Variants in PIKFYVE observed in about 807,000 individuals in gnomAD.
PIKFYVE encodes the protein 1-phosphatidylinositol 3-phosphate 5-kinase.
In PIKFYVE, 122 loss-of-function variants were observed where a neutral mutation model predicts 257.9. The observed-to-expected ratio is 0.47, with a 90% CI of 0.41 to 0.55. The LOEUF is 0.55. Among genes scored for constraint, PIKFYVE ranks in the 20% least tolerant of loss-of-function variants. The pLI is 0.00. For synonymous variants in PIKFYVE, 892 were observed against 868.9 expected (o/e 1.03, Z -0.47); for missense variants, 2,160 against 2,536.6 (o/e 0.85, Z 3.19).
intron 5 of PIKFYVE, among the ~76,000 whole-genome samples, chr2:208,283,179 A>C (rs1415000603): frequency 6.6e-6 from 1 of 152,222 alleles, no homozygotes; most frequent in Non-Finnish European, 1.5e-5. Context: ...AATAAATACA[A>C]ATAACTAGAA....
chr2:208,299,456 A>G (rs1218766057), intron 8 of PIKFYVE, among the ~76,000 whole-genome samples: 1 of 151,666 alleles, frequency 6.6e-6, no homozygotes, highest in Admixed American at 6.6e-5. Context: ...CACTGAGCTA[A>G]TTTTTGTATT....
rs1309625600 is a variant in PIKFYVE, at chr2:208,357,452, A to G, written c.*2147A>G. ...TGCTCCACAGGAATGGCTTCTGACA[A>G]TAATCTGTCCTGTTGATTTTGTTTT... On this transcript the variant is annotated 3_prime_UTR_variant, in exon 42 of 42. Transcript: ENST00000264380. The G allele has an allele frequency of 6.6e-6, 1 of 152,252 alleles. No homozygotes were observed. Among genetic ancestry groups the G allele is most frequent in the Non-Finnish European group, 1.5e-5 (1 of 68,040 alleles). 9.4% of individuals were successfully genotyped at this position (152,252 alleles called of 1,614,324 possible). A position where few individuals can be genotyped will look rare whatever the true frequency, so the allele number is the denominator to read the frequency against.
intron 10 of PIKFYVE, chr2:208,302,574 C>T (rs1693825885): frequency 3.9e-6 from 2 of 518,008 alleles, no homozygotes; most frequent in East Asian, 7.2e-5. Flanking sequence ...TTTGATCAGA[C>T]AATAAAAAAG....
Position 208,353,899 on chromosome 2 carries a change from T to A in PIKFYVE, c.5846T>A (p.Val1949Asp). The change falls in exon 40 of 42, where the codon GTT becomes GAT. Residue 1949 changes from valine (V) to aspartate (D), a missense_variant and splice_region_variant. Around this residue, in one of 12 missense-constraint regions of PIKFYVE, gnomAD observed 699 missense variants for 855.8 expected, o/e 0.82. Coordinates refer to ENST00000264380, the MANE Select transcript of PIKFYVE (RefSeq NM_015040.4). Reference sequence around the variant, plus strand: ...GACAAAGCATTTTCTTTTTACTAGGTTTTTGATTTGAAGGGCTCTCTTAGG... The same window carrying A: ...GACAAAGCATTTTCTTTTTACTAGGATTTTGATTTGAAGGGCTCTCTTAGG... ...NLFYGRKMAQVFDLKGSLRNR... is the reference protein window; with the variant it reads ...NLFYGRKMAQDFDLKGSLRNR... 1 of 1,613,586 alleles carries A rather than the reference T, an allele frequency of 6.2e-7. No individual in the cohort carries two copies. The highest frequency in any genetic ancestry group is 8.5e-7 in the Non-Finnish European group (1 of 1,179,804).
chr2:208,302,602 A>C (rs1161085838), intron 10 of PIKFYVE: 2 of 450,560 alleles, frequency 4.4e-6, no homozygotes, highest in African/African-American at 4.0e-5. Flanking sequence ...ATAATCAAAC[A>C]CTTTTTTCAG....
At chr2:208,300,782 C>T (rs928891660) in intron 8 of PIKFYVE, among the ~76,000 whole-genome samples, 155 bp from the exon 9 acceptor site, 7 of 152,160 alleles carry the variant, frequency 4.6e-5, no homozygotes, top group South Asian at 2.1e-4. Context: ...GCTGTTCCCA[C>T]GTATATGACA....
intron 24 of PIKFYVE, among the ~76,000 whole-genome samples, chr2:208,334,819 A>G (rs748012909): frequency 3.3e-5 from 5 of 152,182 alleles, no homozygotes; most frequent in Non-Finnish European, 7.3e-5. Context: ...ATATTTGCTA[A>G]TTAGAGCTTA....
At chr2:208,345,391 A>C (rs951012095) in intron 33 of PIKFYVE, among the ~76,000 whole-genome samples, 197 bp downstream of exon 33, 1 of 152,150 alleles carries the variant, frequency 6.6e-6, no homozygotes, top group African/African-American at 2.4e-5. Context: ...CTCAGGATGC[A>C]GTTTTATGAT....
chr2:208,322,454 GT>G (rs1245482488), intron 17 of PIKFYVE, among the ~76,000 whole-genome samples: 2 of 137,630 alleles, frequency 1.5e-5, no homozygotes, highest in Admixed American at 7.3e-5. Context: ...TGTTGTTCTT[GT>G]TTTTTTTTAA....
chr2:208,355,151 A>T (rs41308214), intron 41 of PIKFYVE, 39 bp from the exon 42 acceptor site: 1 of 1,501,672 alleles, frequency 6.7e-7, no homozygotes, highest in Admixed American at 1.7e-5. Flanking sequence ...AATCAATTAT[A>T]TAACAGCTTT....
chr2:208,307,444 C>T (rs928248735), intron 12 of PIKFYVE, among the ~76,000 whole-genome samples: 1 of 152,048 alleles, frequency 6.6e-6, no homozygotes, highest in Admixed American at 6.6e-5. Flanking sequence ...AGTCTGTTGC[C>T]AGGTTTAGGC....
intron 18 of PIKFYVE, 24 bp downstream of exon 18, chr2:208,324,306 G>A (rs375892130): frequency 2.5e-6 from 4 of 1,609,376 alleles, no homozygotes. Flanking sequence ...ATTTTCTATT[G>A]TATTTTAAAA....
chr2:208,343,738 A>G (rs1309192420), intron 32 of PIKFYVE, among the ~76,000 whole-genome samples: 1 of 152,004 alleles, frequency 6.6e-6, no homozygotes. Flanking sequence ...TTCCGTAGAC[A>G]TTTCTGACTT....
chr2:208,316,875 A>C (rs1157315523), intron 15 of PIKFYVE, among the ~76,000 whole-genome samples: 9 of 152,202 alleles, frequency 5.9e-5, no homozygotes, highest in Admixed American at 5.9e-4. Context: ...AAAAACAAGC[A>C]ATGGGGAAAG....
intron 5 of PIKFYVE, among the ~76,000 whole-genome samples, chr2:208,281,459 A>G (rs555687624): frequency 1.3e-5 from 2 of 152,214 alleles, no homozygotes; most frequent in South Asian, 4.2e-4. Flanking sequence ...CTTGGTTTTT[A>G]TCTGTATAAA....
At chr2:208,312,518 AAAGT>A (rs1695043125) in intron 13 of PIKFYVE, among the ~76,000 whole-genome samples, 1 of 152,210 alleles carries the variant, frequency 6.6e-6, no homozygotes, top group African/African-American at 2.4e-5. Context: ...TCTGATGTGA[AAAGT>A]AATTGTTTAA....
chr2:208,269,880 C>A, intron 1 of PIKFYVE: 1 of 298,690 alleles, frequency 3.3e-6, no homozygotes. Context: ...TGGAGGGGCC[C>A]ATGCTGCTGC....
chr2:208,350,024 A>T lies in PIKFYVE; in HGVS notation c.5375A>T (p.Asp1792Val). Residue 1792 changes from aspartate (D) to valine (V), a missense_variant and splice_region_variant, in exon 36 of 42, where the codon GAT (aspartate) becomes GTT (valine). Coordinates refer to ENST00000264380, the MANE Select transcript of PIKFYVE (RefSeq NM_015040.4). ...TTACTAATGATATTAAACCTTTTAGATGAAGTAGATGGAGGAGATACACAA... is the reference window on the plus strand; with the variant it reads ...TTACTAATGATATTAAACCTTTTAGTTGAAGTAGATGGAGGAGATACACAA... ...GTENQGVEPQ[D>V]EVDGGDTQKK... 6.2e-7 allele frequency: 1 copy of T among 1,611,908 alleles called. No individual in the cohort carries two copies. The highest frequency in any genetic ancestry group is 8.5e-7 in the Non-Finnish European group (1 of 1,178,586).
chr2:208,292,402 C>T (rs988987196), intron 7 of PIKFYVE, among the ~76,000 whole-genome samples: 2 of 152,074 alleles, frequency 1.3e-5, no homozygotes, highest in Non-Finnish European at 2.9e-5. Flanking sequence ...TTAAAGTCTC[C>T]AGCTATAATA....
Sources: gnomAD v4.1 joint callset for allele counts (sites outside exome capture counted in the v4.1 genomes callset) on GRCh38, gnomAD v4.1.1 for gene constraint, gnomAD v4.1.1 regional missense constraint, MANE v1.5 for transcripts, NCBI Gene and HGNC (gene_info 2026-07-23, HGNC 2026-07-21) for gene names.